Variants in CA10 observed in about 807,000 individuals in gnomAD.
CA10 encodes carbonic anhydrase-related protein 10.
CA10 carries 14 observed loss-of-function variants against 44.2 expected under a neutral mutation model. The observed-to-expected ratio is 0.32, with a 90% CI of 0.21 to 0.50. The LOEUF (loss-of-function observed/expected upper bound fraction) is 0.50, where lower values mean the gene tolerates loss of function less well. CA10 is among the 20% of genes least tolerant of loss of function. CA10 has a pLI of 0.99. For missense variants in CA10, 350 were observed against 409.7 expected (o/e 0.85, Z 1.26); for synonymous variants, 159 against 141.6 (o/e 1.12, Z -0.87).
chr17:52,154,651 C>A (rs909892824), intron 1 of CA10, among the ~76,000 whole-genome samples: 1 of 152,144 alleles, frequency 6.6e-6, no homozygotes, highest in Non-Finnish European at 1.5e-5. Flanking sequence ...TCTTCACAGA[C>A]CCTGGATGCC....
chr17:51,834,125 A>C (rs1439221347), intron 3 of CA10, among the ~76,000 whole-genome samples: 10 of 152,242 alleles, frequency 6.6e-5, no homozygotes, highest in Non-Finnish European at 1.2e-4. Flanking sequence ...TTAGGGGAAG[A>C]GGAATGGATG....
intron 2 of CA10, chr17:52,070,366 A>G (rs946684491): frequency 1.3e-5 from 2 of 152,164 alleles, no homozygotes; most frequent in African/African-American, 4.8e-5. Context: ...CAATTGACAT[A>G]TACTGACTCA....
At chr17:51,825,506 A>C (rs1395785757) in intron 3 of CA10, among the ~76,000 whole-genome samples, 1 of 152,176 alleles carries the variant, frequency 6.6e-6, no homozygotes, top group Non-Finnish European at 1.5e-5. Flanking sequence ...AGAGAGGTTA[A>C]GTAACTTGCC....
chr17:51,646,063 G>A (rs978393981), intron 6 of CA10, among the ~76,000 whole-genome samples: 6 of 152,194 alleles, frequency 3.9e-5, no homozygotes, highest in Non-Finnish European at 5.9e-5. Context: ...CCTGTAGCTG[G>A]AAGCAGAGCC....
intron 4 of CA10, among the ~76,000 whole-genome samples, chr17:51,696,327 C>G (rs1420044243): frequency 6.6e-6 from 1 of 152,050 alleles, no homozygotes; most frequent in Non-Finnish European, 1.5e-5. Flanking sequence ...TTTTAAATTA[C>G]TGATTCAATT....
chr17:51,975,853 A>G (rs1021973977), intron 2 of CA10, among the ~76,000 whole-genome samples: 1 of 142,914 alleles, frequency 7.0e-6, no homozygotes, highest in Non-Finnish European at 1.5e-5. Context: ...CCTGGGTGAC[A>G]GAGTTAGACT....
chr17:51,900,513 G>A (rs1981266718), intron 3 of CA10, among the ~76,000 whole-genome samples: 1 of 152,056 alleles, frequency 6.6e-6, no homozygotes, highest in Non-Finnish European at 1.5e-5. Flanking sequence ...TCTTGGGGAT[G>A]GTCATCTTGT....
intron 2 of CA10, among the ~76,000 whole-genome samples, chr17:51,979,971 A>T (rs750286907): frequency 1.3e-5 from 2 of 152,126 alleles, no homozygotes; most frequent in Non-Finnish European, 2.9e-5. Context: ...TGCTATTGTG[A>T]ATAGTGCTGC....
chr17:51,864,413 T>A (rs1285700635), intron 3 of CA10, among the ~76,000 whole-genome samples: 1 of 152,178 alleles, frequency 6.6e-6, no homozygotes, highest in African/African-American at 2.4e-5. Flanking sequence ...AAAGGAGAGT[T>A]GGCCAATTAT....
chr17:51,997,337 C>G (rs1007181855), intron 2 of CA10, among the ~76,000 whole-genome samples: 2 of 152,038 alleles, frequency 1.3e-5, no homozygotes, highest in African/African-American at 4.8e-5. Context: ...CTAGCACTAT[C>G]CTGGCACAGA....
intron 2 of CA10, among the ~76,000 whole-genome samples, chr17:52,005,691 A>G (rs1206417039): frequency 6.6e-6 from 1 of 151,948 alleles, no homozygotes; most frequent in African/African-American, 2.4e-5. Context: ...ATGTTGATGT[A>G]ATGATAAACT....
chr17:52,073,076 G>T (rs1987728025), intron 1 of CA10, among the ~76,000 whole-genome samples: 1 of 152,120 alleles, frequency 6.6e-6, no homozygotes, highest in Middle Eastern at 3.2e-3. Context: ...AAACCCCAAA[G>T]TATACATGAT....
intron 3 of CA10, among the ~76,000 whole-genome samples, chr17:51,764,188 A>G (rs1253559642): frequency 6.6e-6 from 1 of 152,186 alleles, no homozygotes; most frequent in African/African-American, 2.4e-5. Context: ...CTGACTGCTC[A>G]TGCCAACAAT....
At chr17:52,003,137 T>A (rs1985484605) in intron 2 of CA10, among the ~76,000 whole-genome samples, 2 of 151,966 alleles carry the variant, frequency 1.3e-5, no homozygotes, top group Admixed American at 1.3e-4. Context: ...TCCTTATTGA[T>A]CCCTGAATAT....
At chr17:51,751,748 A>C (rs1904897662) in intron 3 of CA10, among the ~76,000 whole-genome samples, 1 of 152,210 alleles carries the variant, frequency 6.6e-6, no homozygotes, top group African/African-American at 2.4e-5. Context: ...GGAGAATGCA[A>C]GATCATATTG....
At chr17:51,691,890 C>T (rs1915207858) in intron 4 of CA10, among the ~76,000 whole-genome samples, 1 of 152,144 alleles carries the variant, frequency 6.6e-6, no homozygotes, top group Admixed American at 6.6e-5. Flanking sequence ...GCCTGAGTCA[C>T]TTTCAGATGT....
At chr17:51,738,324 C>T (rs1279638923) in intron 4 of CA10, among the ~76,000 whole-genome samples, 2 of 152,078 alleles carry the variant, frequency 1.3e-5, no homozygotes, top group African/African-American at 2.4e-5. Flanking sequence ...AGCAGCTAGA[C>T]ATCGAATGAT....
chr17:51,868,760 C>T (rs578095394), intron 3 of CA10, among the ~76,000 whole-genome samples: 1 of 152,190 alleles, frequency 6.6e-6, no homozygotes, highest in East Asian at 1.9e-4. Flanking sequence ...CTCTGTTGGA[C>T]ACCACTCAGT....
chr17:51,909,160 T>C (rs1981687799), intron 3 of CA10, among the ~76,000 whole-genome samples: 1 of 152,170 alleles, frequency 6.6e-6, no homozygotes, highest in African/African-American at 2.4e-5. Context: ...ACAGGTGAGA[T>C]AGAAGGTGAA....
Sources: allele counts gnomAD v4.1 joint callset (sites outside exome capture counted in the v4.1 genomes callset), GRCh38; gene constraint gnomAD v4.1.1; transcripts MANE v1.5; gene names NCBI Gene and HGNC (gene_info 2026-07-23, HGNC 2026-07-21).